The following NCKAP5 variants were observed in gnomAD, a reference collection of about 807,000 sequenced individuals.
NCKAP5 encodes the protein nck-associated protein 5.
In NCKAP5, 92 loss-of-function variants were observed where a neutral mutation model predicts 167.0. The observed-to-expected ratio is 0.55, with a 90% CI of 0.47 to 0.66. The LOEUF is 0.66. Among genes scored for constraint, NCKAP5 ranks in the 30% least tolerant of loss-of-function variants. NCKAP5 has a pLI of 0.00. For synonymous variants in NCKAP5, 891 were observed against 877.4 expected (o/e 1.02, Z -0.27); for missense variants, 2,378 against 2,315.0 (o/e 1.03, Z -0.56).
At chr2:133,100,790 T>C (rs2081487257) in intron 6 of NCKAP5, among the ~76,000 whole-genome samples, 1 of 152,248 alleles carries the variant, frequency 6.6e-6, no homozygotes, top group African/African-American at 2.4e-5. Flanking sequence ...CTCAAAATAT[T>C]TCCTTACAAT....
chr2:132,813,799 T>G (rs909711740), intron 11 of NCKAP5, among the ~76,000 whole-genome samples: 3 of 152,180 alleles, frequency 2.0e-5, no homozygotes, highest in African/African-American at 7.2e-5. Flanking sequence ...TTATGTAGAA[T>G]TATTTATAAG....
intron 3 of NCKAP5, among the ~76,000 whole-genome samples, chr2:133,503,243 T>C (rs1682697353): frequency 6.6e-6 from 1 of 152,240 alleles, no homozygotes; most frequent in African/African-American, 2.4e-5. Context: ...TGCTCCTTTC[T>C]GCTCAACTGT....
intron 3 of NCKAP5, among the ~76,000 whole-genome samples, chr2:133,431,125 T>C (rs961081413): frequency 1.3e-5 from 2 of 152,126 alleles, no homozygotes; most frequent in East Asian, 3.9e-4. Context: ...CAAGGAAATA[T>C]AACATGAATT....
chr2:133,001,560 A>G (rs978467931), intron 6 of NCKAP5, among the ~76,000 whole-genome samples: 3 of 152,206 alleles, frequency 2.0e-5, no homozygotes, highest in African/African-American at 7.2e-5. Flanking sequence ...AGGTTCCATG[A>G]GAATAAGGAA....
At chr2:132,692,091 A>C (rs1686797658) in intron 19 of NCKAP5, among the ~76,000 whole-genome samples, 1 of 150,054 alleles carries the variant, frequency 6.7e-6, no homozygotes, top group Non-Finnish European at 1.5e-5. Context: ...ATTATATCCC[A>C]TCTATGAAGC....
the NCKAP5 span, among the ~76,000 whole-genome samples, chr2:133,618,313 T>C: frequency 1.3e-5 from 2 of 149,542 alleles, no homozygotes; most frequent in African/African-American, 4.9e-5. Context: ...TGGGATCTAA[T>C]TAAACTAAAG....
intron 11 of NCKAP5, 60 bp from the exon 12 acceptor site, chr2:132,796,789 C>CGGGT: frequency 8.6e-7 from 1 of 1,162,084 alleles, no homozygotes; most frequent in East Asian, 2.5e-5. Context: ...TCTCAAAATC[C>CGGGT]TGCCTTGGAC....
the NCKAP5 span, among the ~76,000 whole-genome samples, chr2:133,597,574 C>G: frequency 1.4e-5 from 2 of 144,228 alleles, no homozygotes; most frequent in African/African-American, 5.2e-5. Context: ...GAGGCTGAGG[C>G]AGGAGAATGG....
At chr2:133,164,553 C>T (rs915256505) in intron 5 of NCKAP5, among the ~76,000 whole-genome samples, 1 of 152,178 alleles carries the variant, frequency 6.6e-6, no homozygotes, top group Non-Finnish European at 1.5e-5. Context: ...ATTGTATAAA[C>T]CATAGCTTTT....
chr2:132,948,033 A>G (rs1697892072), intron 8 of NCKAP5, among the ~76,000 whole-genome samples: 1 of 152,148 alleles, frequency 6.6e-6, no homozygotes, highest in Admixed American at 6.5e-5. Context: ...GCATCCTCAC[A>G]GATGCCTCTT....
At position 133,312,050 on chromosome 2, in the gene NCKAP5, A is replaced by T. The variant is rs1681272792; in HGVS notation, c.70-8940T>A. Among the ~76,000 whole-genome samples, 4 of 152,208 alleles carry T rather than the reference A, an allele frequency of 2.6e-5. 1 individual carries two copies. In the South Asian group the frequency reaches 8.3e-4, roughly 32 times the overall value. On this transcript the variant is annotated intron_variant, in intron 3 of 19. Coordinates refer to ENST00000409261, the MANE Select transcript of NCKAP5 (RefSeq NM_207363.3). The stretch of plus-strand genomic sequence containing the variant: ...AATCACATGAGCTGTCAAAGATTTC[A>T]ACACAGTAAAATTCACAACCAAAAT...
At chr2:133,572,992 GC>G (rs1688921675), upstream of NCKAP5, among the ~76,000 whole-genome samples, 1 of 152,166 alleles carries the variant, frequency 6.6e-6, no homozygotes, top group Admixed American at 6.5e-5. Flanking sequence ...TTAGGAGGGA[GC>G]CCTGTGACCA....
At chr2:132,906,188 T>TG (rs1313498726) in intron 8 of NCKAP5, among the ~76,000 whole-genome samples, 1 of 152,212 alleles carries the variant, frequency 6.6e-6, no homozygotes, top group African/African-American at 2.4e-5. Context: ...TTGCCAGATT[T>TG]GGGTATCTTT....
chr2:133,671,214 C>CAAAAAAAAAAAAAAA, the NCKAP5 span, among the ~76,000 whole-genome samples: 18 of 53,958 alleles, frequency 3.3e-4, no homozygotes, highest in Non-Finnish European at 5.5e-4. Context: ...GACTCCGTCT[C>CAAAAAAAAAAAAAAA]AAAAAAAAAA....
intron 4 of NCKAP5, among the ~76,000 whole-genome samples, chr2:133,285,849 A>G (rs1189316313): frequency 6.6e-6 from 1 of 152,156 alleles, no homozygotes; most frequent in Non-Finnish European, 1.5e-5. Flanking sequence ...ATTCCTTAAC[A>G]TTGAAATTAT....
chr2:133,024,181 A>G (rs2078621175), intron 6 of NCKAP5, among the ~76,000 whole-genome samples: 1 of 152,206 alleles, frequency 6.6e-6, no homozygotes, highest in South Asian at 2.1e-4. Context: ...AGCTCTTCCA[A>G]AGAAAATTCA....
At chr2:133,041,816 C>A (rs567187654) in intron 6 of NCKAP5, among the ~76,000 whole-genome samples, 1 of 152,104 alleles carries the variant, frequency 6.6e-6, no homozygotes, top group Non-Finnish European at 1.5e-5. Flanking sequence ...TTTCTAACAC[C>A]TTTAGCCACA....
In NCKAP5 at chr2:132,859,937, T is replaced by C. The variant is rs116136638; in HGVS notation, c.807+555A>G. ...TGGCTTGACTTTCCACAGCTTTCCA[T>C]GTTATGAAGGCAAGTAAAAAAAAAT... On this transcript the variant is annotated intron_variant, in intron 11 of 19. Coordinates refer to ENST00000409261, the MANE Select transcript of NCKAP5 (RefSeq NM_207363.3). 7.7e-3 allele frequency among the ~76,000 whole-genome samples: 1,172 copies of C among 152,132 alleles called. 11 individuals are homozygous for C. The highest frequency in any genetic ancestry group is 0.026 in the African/African-American group (1,084 of 41,522).
At chr2:133,037,287 T>C (rs2079069880) in intron 6 of NCKAP5, among the ~76,000 whole-genome samples, 1 of 151,958 alleles carries the variant, frequency 6.6e-6, no homozygotes, top group African/African-American at 2.4e-5. Context: ...TTCAAAGAAA[T>C]AGAAAAAATC....
Sources: allele counts gnomAD v4.1 joint callset (sites outside exome capture counted in the v4.1 genomes callset), GRCh38; gene constraint gnomAD v4.1.1; transcripts MANE v1.5; gene names NCBI Gene and HGNC (gene_info 2026-07-23, HGNC 2026-07-21).